Variants in KIF18A observed in about 807,000 individuals in gnomAD.
KIF18A encodes the protein kinesin family member 18A.
A neutral mutation model predicts 103.3 loss-of-function variants in KIF18A; 67 were observed. The observed-to-expected ratio is 0.65, with a 90% CI of 0.53 to 0.79. The LOEUF (loss-of-function observed/expected upper bound fraction) is 0.79, where lower values mean the gene tolerates loss of function less well. Ranked by LOEUF, KIF18A falls within the 30% of genes least tolerant of loss-of-function variation. KIF18A has a pLI of 0.00. For missense variants in KIF18A, 1,032 were observed against 1,062.5 expected (o/e 0.97, Z 0.40); for synonymous variants, 367 against 355.5 (o/e 1.03, Z -0.36).
rs1159181215 is a variant in KIF18A at position 28,020,764 on chromosome 11, A to T, written c.*436T>A. 6.6e-6 allele frequency: 1 copy of T among 152,232 alleles called. No homozygotes were observed. The highest frequency in any genetic ancestry group is 1.9e-4 in the East Asian group (1 of 5,204). The allele number at this position is 152,232 out of a possible 1,614,324, so 9.4% of individuals were successfully genotyped here. ...ATTTTTGAAAAGGAAAGTCATATATATGATTAAAATAATGTATCAAAACAT... is the reference window on the plus strand; with the variant it reads ...ATTTTTGAAAAGGAAAGTCATATATTTGATTAAAATAATGTATCAAAACAT... On this transcript the variant is annotated 3_prime_UTR_variant, in exon 17 of 17. Coordinates refer to ENST00000263181, the MANE Select transcript of KIF18A (RefSeq NM_031217.4).
At chr11:28,023,698 CAG>C (rs1357956836) in intron 16 of KIF18A, 41 bp downstream of exon 16, 1 of 1,098,954 alleles carries the variant, frequency 9.1e-7, no homozygotes, top group South Asian at 1.3e-5. Context: ...ATGTGTGTTA[CAG>C]AGTCATACCA....
At chr11:28,072,377 T>C (rs564498520) in intron 10 of KIF18A, among the ~76,000 whole-genome samples, 11 of 152,298 alleles carry the variant, frequency 7.2e-5, no homozygotes, top group African/African-American at 2.6e-4. Flanking sequence ...TTCCCTTTAA[T>C]AGTAATTTCA....
chr11:28,029,755 T>C (rs893485869), intron 15 of KIF18A, among the ~76,000 whole-genome samples: 1 of 143,962 alleles, frequency 6.9e-6, no homozygotes, highest in Non-Finnish European at 1.5e-5. Context: ...TGTTTGCAGA[T>C]GACATGATTG....
intron 13 of KIF18A, among the ~76,000 whole-genome samples, chr11:28,049,363 T>C (rs1244900336): frequency 6.6e-6 from 1 of 152,002 alleles, no homozygotes; most frequent in East Asian, 1.9e-4. Context: ...CTCTTAAAAA[T>C]GGGCAGGGCT....
chr11:28,030,236 CA>C (rs1462478158), intron 15 of KIF18A, among the ~76,000 whole-genome samples: 2 of 150,092 alleles, frequency 1.3e-5, no homozygotes, highest in Admixed American at 1.3e-4. Flanking sequence ...AATCCTAAGG[CA>C]AAAGAACAAA....
At chr11:28,095,253 G>T (rs1851353798) in intron 2 of KIF18A, among the ~76,000 whole-genome samples, 1 of 152,270 alleles carries the variant, frequency 6.6e-6, no homozygotes, top group East Asian at 1.9e-4. Flanking sequence ...CTGCTTCCTT[G>T]CTGTGATCTA....
intron 11 of KIF18A, among the ~76,000 whole-genome samples, chr11:28,063,499 T>A (rs1205386557): frequency 6.6e-6 from 1 of 151,998 alleles, no homozygotes; most frequent in African/African-American, 2.4e-5. Context: ...TTTTGCAGGC[T>A]CCATTTTCCT....
intron 15 of KIF18A, among the ~76,000 whole-genome samples, chr11:28,024,348 G>C (rs533970576): frequency 2.6e-5 from 4 of 152,012 alleles, no homozygotes; most frequent in Admixed American, 2.0e-4. Context: ...CACAGAAACT[G>C]AAATAAAAAG....
intron 11 of KIF18A, among the ~76,000 whole-genome samples, chr11:28,066,786 A>C (rs1371052364): frequency 3.5e-5 from 2 of 56,672 alleles, no homozygotes; most frequent in Non-Finnish European, 6.9e-5. Context: ...AAGAGAAATT[A>C]TATTATATTA....
intron 9 of KIF18A, among the ~76,000 whole-genome samples, chr11:28,077,728 G>C (rs929473187): frequency 4.6e-5 from 7 of 152,148 alleles, no homozygotes; most frequent in African/African-American, 1.7e-4. Flanking sequence ...AGACCATACG[G>C]TTAGGTACCC....
chr11:28,091,584 G>T, intron 3 of KIF18A, 71 bp from the exon 4 acceptor site: 1 of 704,130 alleles, frequency 1.4e-6, no homozygotes, highest in Non-Finnish European at 2.4e-6. Flanking sequence ...CACATACACT[G>T]CTAATTTAAA....
intron 16 of KIF18A, 91 bp downstream of exon 16, chr11:28,023,650 A>T: frequency 1.7e-6 from 1 of 591,704 alleles, no homozygotes; most frequent in East Asian, 2.9e-5. Flanking sequence ...ATAAAGGGAG[A>T]TTCTTATGAA....
intron 15 of KIF18A, among the ~76,000 whole-genome samples, chr11:28,030,180 C>T (rs937734379): frequency 7.2e-5 from 10 of 139,798 alleles, no homozygotes; most frequent in Admixed American, 2.9e-4. Context: ...GAAAAGACTA[C>T]TTTAAAGTTC....
intron 1 of KIF18A, among the ~76,000 whole-genome samples, chr11:28,100,763 A>T (rs1344924007): frequency 6.6e-6 from 1 of 152,100 alleles, no homozygotes; most frequent in Non-Finnish European, 1.5e-5. Flanking sequence ...TTTGGCCAAA[A>T]ATAGAATACT....
chr11:28,027,513 T>C (rs1850336528), intron 15 of KIF18A, among the ~76,000 whole-genome samples: 1 of 151,868 alleles, frequency 6.6e-6, no homozygotes, highest in African/African-American at 2.4e-5. Context: ...CTATTCTTTC[T>C]CTCACTCCCT....
At chr11:28,072,766 G>GA (rs760567082) in intron 10 of KIF18A, among the ~76,000 whole-genome samples, 5,343 of 124,406 alleles carry the variant, frequency 0.043, 226 homozygotes, top group African/African-American at 0.11. Context: ...GATGAAAACA[G>GA]AAAAAAAAAA....
intron 13 of KIF18A, among the ~76,000 whole-genome samples, chr11:28,041,473 G>A (rs1850559488): frequency 6.6e-6 from 1 of 151,836 alleles, no homozygotes; most frequent in Non-Finnish European, 1.5e-5. Context: ...TGATTGAAGT[G>A]CTGTGAGTTA....
chr11:28,084,882 A>G (rs1046737416), intron 6 of KIF18A, 74 bp from the exon 7 acceptor site: 15 of 1,153,494 alleles, frequency 1.3e-5, no homozygotes, highest in Non-Finnish European at 1.9e-5. Context: ...TTAGCACTTC[A>G]CTGTGGGGGG....
intron 13 of KIF18A, among the ~76,000 whole-genome samples, chr11:28,049,255 T>C (rs951026466): frequency 6.6e-6 from 1 of 152,006 alleles, no homozygotes; most frequent in African/African-American, 2.4e-5. Context: ...GAGGGGGCTT[T>C]ATATTTATTT....
Sources: gnomAD v4.1 joint callset for allele counts (sites outside exome capture counted in the v4.1 genomes callset) on GRCh38, gnomAD v4.1.1 for gene constraint, MANE v1.5 for transcripts, NCBI Gene and HGNC (gene_info 2026-07-23, HGNC 2026-07-21) for gene names.